Variants in CADM2 observed in about 807,000 individuals in gnomAD.
CADM2 encodes immunoglobulin superfamily member 4D.
CADM2 carries 12 observed loss-of-function variants against 49.8 expected under a neutral mutation model. The observed-to-expected ratio is 0.24, with a 90% CI of 0.15 to 0.39. The LOEUF (loss-of-function observed/expected upper bound fraction) is 0.39. Among genes scored for constraint, CADM2 ranks in the 10% least tolerant of loss-of-function variants. The pLI, the probability that CADM2 is intolerant of heterozygous loss-of-function variation, is 1.00. For synonymous variants in CADM2, 214 were observed against 175.4 expected (o/e 1.22, Z -1.74); for missense variants, 378 against 492.3 (o/e 0.77, Z 2.20).
At chr3:85,898,921 C>A (rs1715651232) in intron 5 of CADM2, among the ~76,000 whole-genome samples, 1 of 101,554 alleles carries the variant, frequency 9.8e-6, no homozygotes, top group South Asian at 3.4e-4. Context: ...TTCATAAAAT[C>A]CAATTCATTT....
In CADM2 at chr3:85,754,825, A is replaced by T. The variant is rs2069032840; in HGVS notation, c.88+28277A>T. ...AACTAACATTTTAACAAAAAAACAAACAAACAAAAAAATACCACCATAGAG... is the reference window on the plus strand; with the variant it reads ...AACTAACATTTTAACAAAAAAACAATCAAACAAAAAAATACCACCATAGAG... On this transcript the variant is annotated intron_variant, in intron 2 of 9. Transcript: ENST00000383699. Among the ~76,000 whole-genome samples the T allele has an allele frequency of 3.3e-5, 5 of 152,220 alleles. No homozygotes were observed. In the South Asian group the frequency reaches 1.0e-3, roughly 31 times the overall value.
rs143431286 is a variant in CADM2, at chr3:85,791,485, G to A, written c.89-10562G>A. ...TTCTTTGTATAAATACCCCTTACCA[G>A]TTGATGGAACAGATGACGGAGAGAG... On this transcript the variant is annotated intron_variant, in intron 2 of 9. Transcript: ENST00000383699. Among the ~76,000 whole-genome samples, 79 of 146,800 alleles carry A rather than the reference G, an allele frequency of 5.4e-4. 1 individual carries two copies. The highest frequency in any genetic ancestry group is 1.9e-3 in the African/African-American group (77 of 39,802).
At chr3:85,548,957 T>C (rs994127598) in intron 1 of CADM2, among the ~76,000 whole-genome samples, 2 of 152,206 alleles carry the variant, frequency 1.3e-5, no homozygotes, top group Non-Finnish European at 2.9e-5. Flanking sequence ...TAGTGAAAGA[T>C]ACTGAATGCT....
chr3:85,161,578 TA>T (rs915524084), intron 1 of CADM2, among the ~76,000 whole-genome samples: 27 of 151,008 alleles, frequency 1.8e-4, no homozygotes, highest in African/African-American at 2.7e-4. Context: ...ATTTAATGTA[TA>T]AAAAAAAATG....
intron 1 of CADM2, among the ~76,000 whole-genome samples, chr3:85,015,017 T>C (rs907869974): frequency 6.6e-6 from 1 of 152,260 alleles, no homozygotes; most frequent in Middle Eastern, 3.4e-3. Flanking sequence ...TTTTCTTTGG[T>C]TTTTGAAAAT....
intron 2 of CADM2, among the ~76,000 whole-genome samples, chr3:85,784,625 T>G (rs1175231315): frequency 1.3e-5 from 2 of 152,150 alleles, no homozygotes; most frequent in African/African-American, 4.8e-5. Context: ...GACTAGCACA[T>G]TGAAATGAAA....
At chr3:85,314,221 T>G (rs962602094) in intron 1 of CADM2, among the ~76,000 whole-genome samples, 2 of 152,180 alleles carry the variant, frequency 1.3e-5, no homozygotes, top group Non-Finnish European at 2.9e-5. Flanking sequence ...TTATTTACTT[T>G]GCTTTACACT....
chr3:85,974,519 G>A (rs537032912), intron 8 of CADM2, among the ~76,000 whole-genome samples: 3 of 151,744 alleles, frequency 2.0e-5, no homozygotes, highest in East Asian at 2.0e-4. Context: ...AATAGTGGGT[G>A]GTGCAGTTTT....
intron 1 of CADM2, among the ~76,000 whole-genome samples, chr3:85,043,905 A>C (rs2035546846): frequency 6.6e-6 from 1 of 152,170 alleles, no homozygotes; most frequent in Non-Finnish European, 1.5e-5. Flanking sequence ...TTTTTTGAGT[A>C]CCAGAAAAAA....
At chr3:85,169,947 CT>C (rs368426719) in intron 1 of CADM2, among the ~76,000 whole-genome samples, 343 of 152,240 alleles carry the variant, frequency 2.3e-3, no homozygotes, top group African/African-American at 7.8e-3. Context: ...TTCACAGAAA[CT>C]GTTGAGCAAA....
chr3:85,407,808 C>T (rs1311023420), intron 1 of CADM2, among the ~76,000 whole-genome samples: 3 of 151,814 alleles, frequency 2.0e-5, no homozygotes, highest in East Asian at 1.9e-4. Context: ...CATAGTGAGA[C>T]CCTGATTCTA....
chr3:86,016,728 T>A (rs1253982435), intron 8 of CADM2, among the ~76,000 whole-genome samples: 1 of 151,904 alleles, frequency 6.6e-6, no homozygotes, highest in Non-Finnish European at 1.5e-5. Flanking sequence ...TATGATAATG[T>A]TAACACTTAG....
intron 1 of CADM2, among the ~76,000 whole-genome samples, chr3:85,578,158 T>G (rs2062698171): frequency 1.3e-5 from 2 of 152,130 alleles, no homozygotes; most frequent in African/African-American, 4.8e-5. Flanking sequence ...CTCGGCTCAC[T>G]GCAACCTCCA....
intron 1 of CADM2, among the ~76,000 whole-genome samples, chr3:85,670,865 G>A (rs944242956): frequency 6.6e-6 from 1 of 152,160 alleles, no homozygotes; most frequent in African/African-American, 2.4e-5. Context: ...TATTCTTTCT[G>A]TATTTTTACT....
At chr3:85,294,098 A>G (rs2043883148) in intron 1 of CADM2, among the ~76,000 whole-genome samples, 1 of 151,888 alleles carries the variant, frequency 6.6e-6, no homozygotes, top group Non-Finnish European at 1.5e-5. Context: ...AAGTCTCAGG[A>G]TACAAAATCA....
chr3:85,551,064 A>T (rs1193307767), intron 1 of CADM2, among the ~76,000 whole-genome samples: 1 of 151,840 alleles, frequency 6.6e-6, no homozygotes. Context: ...GCTCACTGAG[A>T]CCTCTACCTC....
intron 1 of CADM2, among the ~76,000 whole-genome samples, chr3:85,090,650 C>T (rs2037560789): frequency 6.6e-6 from 1 of 152,146 alleles, no homozygotes; most frequent in African/African-American, 2.4e-5. Context: ...CCTTACCGGT[C>T]AGTGGCCTGT....
In CADM2 at chr3:85,613,935, G is replaced by A. The variant is rs968002659; in HGVS notation, c.62-112587G>A. 1.1e-4 allele frequency among the ~76,000 whole-genome samples: 17 copies of A among 151,440 alleles called. No homozygotes were observed. The South Asian group carries it at 1.9e-3, about 17-fold the overall frequency. ...TTTCTGTATCTAAAAATGACGGAAC[G>A]GTAGTTTTGCACGTAATAAATAAAT... is the stretch of plus-strand genomic sequence containing the variant. On this transcript the variant is annotated intron_variant, in intron 1 of 9. Transcript: ENST00000383699.
intron 1 of CADM2, among the ~76,000 whole-genome samples, chr3:85,153,358 G>A (rs1416640494): frequency 9.9e-5 from 15 of 152,268 alleles, no homozygotes; most frequent in Admixed American, 5.2e-4. Flanking sequence ...ACTGCCACCC[G>A]AATACTGCAC....
Sources: gnomAD v4.1 joint callset for allele counts (sites outside exome capture counted in the v4.1 genomes callset) on GRCh38, gnomAD v4.1.1 for gene constraint, MANE v1.5 for transcripts, NCBI Gene and HGNC (gene_info 2026-07-23, HGNC 2026-07-21) for gene names.